The following XKR6 variants were observed in gnomAD, a reference collection of about 807,000 sequenced individuals.
XKR6 encodes the protein XK-related protein 6.
XKR6 carries 22 observed loss-of-function variants against 56.7 expected under a neutral mutation model. The ratio of observed to expected loss-of-function variants is 0.39; its 90% CI spans 0.28 to 0.55. The LOEUF (loss-of-function observed/expected upper bound fraction) is 0.55, where lower values mean the gene tolerates loss of function less well. XKR6 is among the 20% of genes least tolerant of loss of function. XKR6 has a pLI of 0.66. For missense variants in XKR6, 852 were observed against 889.0 expected (o/e 0.96, Z 0.53); for synonymous variants, 524 against 387.8 (o/e 1.35, Z -4.13).
At chr8:11,165,950 GTTT>G in intron 1 of XKR6, among the ~76,000 whole-genome samples, 1 of 145,720 alleles carries the variant, frequency 6.9e-6, no homozygotes, top group Non-Finnish European at 1.5e-5. Flanking sequence ...TATATATATA[GTTT>G]TTTGGGTTTT....
chr8:11,103,967 G>C (rs1257334164), intron 1 of XKR6, among the ~76,000 whole-genome samples: 2 of 152,208 alleles, frequency 1.3e-5, no homozygotes, highest in Non-Finnish European at 2.9e-5. Flanking sequence ...CCCTTGGGAG[G>C]AGATGCGGAG....
rs186468472 is a variant in XKR6 at position 10,956,365 on chromosome 8, G to A, written c.765-31535C>T. ...GGTGGACACTAGTGGCTTGCCAGGC[G>A]TCTATCCCTGGGCCCTGGAGACCCA... On this transcript the variant is annotated intron_variant, in intron 1 of 2. Coordinates refer to ENST00000416569, the MANE Select transcript of XKR6 (RefSeq NM_173683.4). 4.1e-3 allele frequency among the ~76,000 whole-genome samples: 626 copies of A among 152,250 alleles called. 1 individual carries two copies. The highest frequency in any genetic ancestry group is 9.5e-3 in the South Asian group (46 of 4,826).
At chr8:11,186,715 C>G (rs1197636851) in intron 1 of XKR6, among the ~76,000 whole-genome samples, 1 of 152,180 alleles carries the variant, frequency 6.6e-6, no homozygotes, top group Non-Finnish European at 1.5e-5. Context: ...TATACTTTCT[C>G]TATACTTTCT....
At chr8:11,095,253 C>A (rs868692959) in intron 1 of XKR6, among the ~76,000 whole-genome samples, 1 of 152,192 alleles carries the variant, frequency 6.6e-6, no homozygotes, top group African/African-American at 2.4e-5. Flanking sequence ...AAGGTCAACC[C>A]TCCATCTCAA....
At position 11,184,525 on chromosome 8, in the gene XKR6, G is replaced by A. The variant is rs868027155; in HGVS notation, c.764+16051C>T. Among the ~76,000 whole-genome samples the A allele has an allele frequency of 2.8e-4, 42 of 152,162 alleles. 1 individual carries two copies. The Middle Eastern group carries it at 0.02, about 74-fold the overall frequency. On this transcript the variant is annotated intron_variant, in intron 1 of 2. Coordinates refer to ENST00000416569, the MANE Select transcript of XKR6 (RefSeq NM_173683.4). ...ACTGAACAGGTATTTTAAGACAGCT[G>A]ACTGTTAGAAACTTCAAGGCTAGAA...
At chr8:11,097,071 T>C (rs1366251172) in intron 1 of XKR6, among the ~76,000 whole-genome samples, 1 of 152,180 alleles carries the variant, frequency 6.6e-6, no homozygotes, top group Non-Finnish European at 1.5e-5. Context: ...AGAGTCAAGT[T>C]AAATCTGATT....
At chr8:11,164,584 T>A (rs1357234016) in intron 1 of XKR6, among the ~76,000 whole-genome samples, 1 of 152,210 alleles carries the variant, frequency 6.6e-6, no homozygotes, top group African/African-American at 2.4e-5. Flanking sequence ...TTCAAAAGCA[T>A]TACATTATAA....
intron 1 of XKR6, among the ~76,000 whole-genome samples, chr8:11,083,178 G>A (rs958837932): frequency 2.0e-5 from 3 of 152,168 alleles, no homozygotes; most frequent in African/African-American, 7.2e-5. Flanking sequence ...TGCCCGTGGG[G>A]CTCCTCTGCA....
intron 1 of XKR6, among the ~76,000 whole-genome samples, chr8:11,073,699 G>C (rs1230733595): frequency 6.6e-6 from 1 of 152,232 alleles, no homozygotes; most frequent in African/African-American, 2.4e-5. Flanking sequence ...TGCACTGCAC[G>C]TAGTTCAATC....
Position 11,201,104 on chromosome 8 carries a change from C to T in XKR6, c.236G>A (p.Gly79Asp). 1 of 1,500,242 alleles carries T rather than the reference C, an allele frequency of 6.7e-7. No homozygotes were observed. The highest frequency in any genetic ancestry group is 2.7e-5 in the East Asian group (1 of 36,734). 92.9% of individuals were successfully genotyped at this position (1,500,242 alleles called of 1,614,324 possible). The change falls in exon 1 of 3, where the codon GGC becomes GAC. Residue 79 changes from glycine (G) to aspartate (D), a missense_variant. By Grantham distance (94) the Gly-to-Asp change is moderately conservative. Coordinates refer to ENST00000416569, the MANE Select transcript of XKR6 (RefSeq NM_173683.4). The part of the protein sequence containing the change: ...CRSACLRSLL[G>D]RKPRRSAAAD... ...GGCGGCGCTGCGGCGCGGCTTCCTG[C>T]CCAGGAGGGAGCGCAGGCAGGCGGA...
At chr8:11,005,605 C>T (rs577884710) in intron 1 of XKR6, among the ~76,000 whole-genome samples, 1 of 151,978 alleles carries the variant, frequency 6.6e-6, no homozygotes, top group East Asian at 1.9e-4. Context: ...TATGATGATA[C>T]GAGTGTGTAT....
chr8:11,041,280 G>A (rs956206403), intron 1 of XKR6, among the ~76,000 whole-genome samples: 7 of 152,142 alleles, frequency 4.6e-5, no homozygotes, highest in African/African-American at 9.7e-5. Context: ...ACATCAGGCC[G>A]GGCGCGGTGG....
chr8:11,198,451 TA>T lies in XKR6; in HGVS notation c.764+2124del, dbSNP rs549045914. On this transcript the variant is annotated intron_variant, in intron 1 of 2. Transcript: ENST00000416569. ...TATATTCTAATCTTGAAAAAAGATG[TA>T]AAAAAAAAACTAGACAGTAAAGTCA... is the stretch of plus-strand genomic sequence containing the variant. Among the ~76,000 whole-genome samples the T allele has an allele frequency of 6.1e-3, 860 of 140,116 alleles. 15 individuals carry two copies. Among genetic ancestry groups the T allele is most frequent in the African/African-American group, 0.022 (828 of 37,858 alleles). The allele number at this position is 140,116 out of a possible 152,430, so 91.9% of individuals were successfully genotyped here. A position where few individuals can be genotyped will look rare whatever the true frequency, so the allele number is the denominator to read the frequency against.
intron 1 of XKR6, among the ~76,000 whole-genome samples, chr8:11,177,088 G>A (rs1156320359): frequency 6.6e-6 from 1 of 152,210 alleles, no homozygotes; most frequent in Non-Finnish European, 1.5e-5. Context: ...CAAAGCCTGG[G>A]ACCATGGCAC....
chr8:10,997,018 C>T (rs1297976919), intron 1 of XKR6, among the ~76,000 whole-genome samples: 2 of 152,108 alleles, frequency 1.3e-5, no homozygotes, highest in Non-Finnish European at 2.9e-5. Context: ...TTTAACTCTG[C>T]CCCTCTCCCA....
At chr8:11,183,792 G>T (rs1803120168) in intron 1 of XKR6, among the ~76,000 whole-genome samples, 1 of 152,052 alleles carries the variant, frequency 6.6e-6, no homozygotes. Context: ...GGAAAGTCTG[G>T]CCAAGTGGGC....
In XKR6 at chr8:11,013,861, C is replaced by A. The variant is rs185267116; in HGVS notation, c.765-89031G>T. Among the ~76,000 whole-genome samples the A allele has an allele frequency of 6.6e-5, 10 of 152,356 alleles. No individual in the cohort carries two copies. The East Asian group carries it at 1.9e-3, about 29-fold the overall frequency. On this transcript the variant is annotated intron_variant, in intron 1 of 2. Coordinates refer to ENST00000416569, the MANE Select transcript of XKR6 (RefSeq NM_173683.4). The stretch of plus-strand genomic sequence containing the variant: ...GGGACCTCTTGAGTCATCCTGACCA[C>A]GGCCCTGCCTTCCAGCCCACCTGTA...
intron 1 of XKR6, among the ~76,000 whole-genome samples, chr8:11,170,390 A>G (rs1322229974): frequency 6.6e-6 from 1 of 152,232 alleles, no homozygotes; most frequent in African/African-American, 2.4e-5. Flanking sequence ...TGAAGTATTG[A>G]TTCAGGCTAT....
At chr8:11,137,423 A>T (rs1251411434) in intron 1 of XKR6, 3 of 363,768 alleles carry the variant, frequency 8.2e-6, no homozygotes, top group Non-Finnish European at 1.6e-5. Flanking sequence ...GTGAGAAGAA[A>T]TTCTCCCTCA....
Sources: allele counts gnomAD v4.1 joint callset (sites outside exome capture counted in the v4.1 genomes callset), GRCh38; gene constraint gnomAD v4.1.1; transcripts MANE v1.5; gene names NCBI Gene and HGNC (gene_info 2026-07-23, HGNC 2026-07-21).